Variants in TSKS observed in about 807,000 individuals in gnomAD.
The protein encoded by TSKS is testis-specific serine kinase substrate.
TSKS carries 27 observed loss-of-function variants against 68.0 expected under a neutral mutation model. That is an observed-to-expected ratio of 0.40 (90% CI 0.29 to 0.55). The LOEUF is 0.55. Among genes scored for constraint, TSKS ranks in the 20% least tolerant of loss-of-function variants. The pLI is 0.53. For missense variants in TSKS, 806 were observed against 776.0 expected (o/e 1.04, Z -0.46); for synonymous variants, 331 against 340.4 (o/e 0.97, Z 0.30).
rs1804769252 is a variant in TSKS, at chr19:49,763,006, AG to A, written c.170+71del. ...CCCCTCCCCTTCCTCTAGCACCCAC[AG>A]TCGGACTCCTGCTCTGTTGGAGGTA... On this transcript the variant is annotated intron_variant, in intron 1 of 10. Coordinates refer to ENST00000246801, the MANE Select transcript of TSKS (RefSeq NM_021733.2). The surrounding 1 kb of genome is among the most constrained non-coding windows in gnomAD (Gnocchi z 4.5). 1 of 1,506,618 alleles carries A rather than the reference AG, an allele frequency of 6.6e-7. No individual in the cohort carries two copies. Among genetic ancestry groups the A allele is most frequent in the Non-Finnish European group, 8.9e-7 (1 of 1,125,086 alleles). The allele number at this position is 1,506,618 out of a possible 1,614,324, so 93.3% of individuals were successfully genotyped here. A position where few individuals can be genotyped will look rare whatever the true frequency, so the allele number is the denominator to read the frequency against.
intron 2 of TSKS, among the ~76,000 whole-genome samples, chr19:49,752,728 A>C (rs1046851297): frequency 3.3e-5 from 5 of 152,240 alleles, no homozygotes; most frequent in African/African-American, 4.8e-5. Context: ...TCTTAAAAGG[A>C]AAATCTGATG....
At chr19:49,759,295 C>T (rs2084419820) in intron 2 of TSKS, among the ~76,000 whole-genome samples, 1 of 151,362 alleles carries the variant, frequency 6.6e-6, no homozygotes, top group African/African-American at 2.4e-5. Flanking sequence ...ATGGTGAAAC[C>T]CCGTCTCTAC....
chr19:49,754,265 A>G (rs2123621883), intron 2 of TSKS, among the ~76,000 whole-genome samples: 1 of 151,382 alleles, frequency 6.6e-6, no homozygotes, highest in African/African-American at 2.4e-5. Flanking sequence ...TTGGGAGGCC[A>G]AGGCAGGTGG....
In TSKS at chr19:49,763,280, C is replaced by T; in HGVS notation, c.-33G>A. 6.8e-7 allele frequency: 1 copy of T among 1,477,512 alleles called. No individual in the cohort carries two copies. Among genetic ancestry groups the T allele is most frequent in the South Asian group, 1.4e-5 (1 of 72,190 alleles). The allele number at this position is 1,477,512 out of a possible 1,614,324, so 91.5% of individuals were successfully genotyped here. A position where few individuals can be genotyped will look rare whatever the true frequency, so the allele number is the denominator to read the frequency against. ...GGGTCTGGCTCCCAGGGAGGGGCTC[C>T]TTCCTCTGAGACTTCCTACCTACTG... On this transcript the variant is annotated 5_prime_UTR_variant, in exon 1 of 11. Coordinates refer to ENST00000246801, the MANE Select transcript of TSKS (RefSeq NM_021733.2). This position sits in a 1 kb window ranked among gnomAD's most constrained non-coding sequence, Gnocchi z 4.5.
At chr19:49,760,318 A>G (rs912091988) in intron 2 of TSKS, among the ~76,000 whole-genome samples, 1 of 151,788 alleles carries the variant, frequency 6.6e-6, no homozygotes, top group African/African-American at 2.4e-5. Context: ...AAAAATTATT[A>G]TTATTGTTAT....
chr19:49,762,297 T>C, intron 1 of TSKS, 65 bp from the exon 2 acceptor site: 2 of 1,272,810 alleles, frequency 1.6e-6, no homozygotes, highest in Non-Finnish European at 2.2e-6. Flanking sequence ...CCTCCTGCCT[T>C]CCTTTCTCCA....
chr19:49,746,332 C>CAAT, intron 6 of TSKS, 138 bp downstream of exon 6: 1 of 1,028,018 alleles, frequency 9.7e-7, no homozygotes, highest in Non-Finnish European at 1.4e-6. Context: ...GTCCCCGAGG[C>CAAT]TCCACCCATG....
intron 2 of TSKS, among the ~76,000 whole-genome samples, chr19:49,756,450 C>T (rs1307675120): frequency 6.6e-6 from 1 of 151,668 alleles, no homozygotes; most frequent in Non-Finnish European, 1.5e-5. Context: ...TGGAGCAAGA[C>T]TCTGTCTCTA....
At chr19:49,749,499 C>G (rs911779865) in intron 2 of TSKS, among the ~76,000 whole-genome samples, 1 of 152,150 alleles carries the variant, frequency 6.6e-6, no homozygotes, top group Non-Finnish European at 1.5e-5. Flanking sequence ...GAAGCCTTAG[C>G]CTGGCACATG....
chr19:49,762,269 G>T, intron 1 of TSKS, 37 bp from the exon 2 acceptor site: 1 of 1,560,704 alleles, frequency 6.4e-7, no homozygotes, highest in Non-Finnish European at 8.8e-7. Flanking sequence ...TGGAGAAGCA[G>T]CCCCAGGGTG....
intron 1 of TSKS, among the ~76,000 whole-genome samples, 169 bp from the exon 2 acceptor site, chr19:49,762,401 ACTTTCTTTCTTTTTT>A (rs1330017016): frequency 2.1e-4 from 31 of 144,708 alleles, no homozygotes; most frequent in South Asian, 2.0e-3. Context: ...TGTGCTGCCT[ACTTTCTTTCTTTTTT>A]CTTTCTTTCT....
chr19:49,749,124 C>A (rs1372706228), intron 2 of TSKS, among the ~76,000 whole-genome samples: 1 of 152,130 alleles, frequency 6.6e-6, no homozygotes, highest in Non-Finnish European at 1.5e-5. Flanking sequence ...AACACATGCC[C>A]TTTCTCTCCA....
intron 1 of TSKS, among the ~76,000 whole-genome samples, chr19:49,762,484 C>T (rs191144045): frequency 8.1e-5 from 12 of 148,174 alleles, no homozygotes; most frequent in Admixed American, 5.5e-4. Context: ...AGTGCAGTGG[C>T]GCGATCTCAG....
intron 8 of TSKS, among the ~76,000 whole-genome samples, 163 bp downstream of exon 8, chr19:49,744,068 T>C (rs1022098919): frequency 6.6e-6 from 1 of 152,166 alleles, no homozygotes; most frequent in Non-Finnish European, 1.5e-5. Context: ...TGGGAACAAA[T>C]GAGGCTTCTA....
intron 9 of TSKS, among the ~76,000 whole-genome samples, chr19:49,740,791 C>T (rs80006790): frequency 0.041 from 6,183 of 151,780 alleles, 266 homozygotes; most frequent in East Asian, 0.23. Context: ...GGCTGAGACA[C>T]GAGAATCGTT....
In TSKS at chr19:49,762,248, A is replaced by G. The variant is rs2084448729; in HGVS notation, c.171-16T>C. 1 of 1,608,142 alleles carries G rather than the reference A, an allele frequency of 6.2e-7. No homozygotes were observed. Among genetic ancestry groups the G allele is most frequent in the East Asian group, 2.2e-5 (1 of 44,772 alleles). On this transcript the variant is annotated splice_polypyrimidine_tract_variant and intron_variant, in intron 1 of 10. Coordinates refer to ENST00000246801, the MANE Select transcript of TSKS (RefSeq NM_021733.2). ...GGGCTCCACCCTGCAGAGAAGAAACAGGCAGAAAAGTGGAGAAGCAGCCCC... is the reference window on the plus strand; with the variant it reads ...GGGCTCCACCCTGCAGAGAAGAAACGGGCAGAAAAGTGGAGAAGCAGCCCC...
chr19:49,757,220 C>T (rs1316461619), intron 2 of TSKS, among the ~76,000 whole-genome samples: 2 of 152,188 alleles, frequency 1.3e-5, no homozygotes, highest in Non-Finnish European at 2.9e-5. Flanking sequence ...GGAATTGAGG[C>T]CTCCAGCCAA....
At position 49,739,833 on chromosome 19, in the gene TSKS, C is replaced by T. The variant is rs1568558926; in HGVS notation, c.1722G>A (p.Gly574=). 6.2e-6 allele frequency: 10 copies of T among 1,612,958 alleles called. No individual in the cohort carries two copies. The highest frequency in any genetic ancestry group is 1.1e-5 in the South Asian group (1 of 91,058). ...GGGGGGTTCCTGCACTGCTGCCTCCCCCCATTGTTCCCGTGGACCCCTCAA... is the reference window on the plus strand; with the variant it reads ...GGGGGGTTCCTGCACTGCTGCCTCCTCCCATTGTTCCCGTGGACCCCTCAA... ...LPLEGSTGTM[G]GGSSAGTPPK... The change falls in exon 11 of 11, where the codon GGG becomes GGA. Residue 574 remains glycine, a synonymous_variant. Transcript: ENST00000246801.
intron 2 of TSKS, among the ~76,000 whole-genome samples, chr19:49,754,961 G>A (rs1052745522): frequency 1.3e-5 from 2 of 152,100 alleles, no homozygotes; most frequent in African/African-American, 4.8e-5. Flanking sequence ...AGCCGGGGAT[G>A]GGGTGTGCAC....
Sources: allele counts gnomAD v4.1 joint callset (sites outside exome capture counted in the v4.1 genomes callset), GRCh38; gene constraint gnomAD v4.1.1; non-coding constraint Gnocchi (gnomAD v3.1); transcripts MANE v1.5; gene names NCBI Gene and HGNC (gene_info 2026-07-23, HGNC 2026-07-21).